ADAM10: variants seen among roughly 807,000 people sequenced by gnomAD.
ADAM10 encodes ADAM metallopeptidase domain 10.
A neutral mutation model predicts 90.1 loss-of-function variants in ADAM10; 17 were observed. The observed-to-expected ratio is 0.19, with a 90% CI of 0.13 to 0.28. ADAM10 has a LOEUF of 0.28. ADAM10 is among the 10% of genes least tolerant of loss of function. The pLI, the probability that ADAM10 is intolerant of heterozygous loss-of-function variation, is 1.00. For synonymous variants in ADAM10, 310 were observed against 298.6 expected (o/e 1.04, Z -0.40); for missense variants, 610 against 914.3 (o/e 0.67, Z 4.29).
intron 2 of ADAM10, among the ~76,000 whole-genome samples, chr15:58,701,066 A>T (rs1266689272): frequency 2.6e-5 from 4 of 151,872 alleles, no homozygotes; most frequent in African/African-American, 9.7e-5. Context: ...CAGACACTCA[A>T]AAAACAATAG....
chr15:58,705,367 CTAT>C (rs760863043), intron 2 of ADAM10, among the ~76,000 whole-genome samples: 1 of 151,966 alleles, frequency 6.6e-6, no homozygotes, highest in Non-Finnish European at 1.5e-5. Flanking sequence ...TATAGCGGTT[CTAT>C]TATGATTCTT....
intron 2 of ADAM10, among the ~76,000 whole-genome samples, chr15:58,705,612 C>A (rs1595638447): frequency 6.6e-6 from 1 of 152,236 alleles, no homozygotes; most frequent in South Asian, 2.1e-4. Flanking sequence ...ATAGACATAC[C>A]AGAACCACCT....
chr15:58,625,950 T>C (rs1895929434), intron 10 of ADAM10, among the ~76,000 whole-genome samples: 1 of 151,976 alleles, frequency 6.6e-6, no homozygotes, highest in Non-Finnish European at 1.5e-5. Flanking sequence ...TTTTTAGAAG[T>C]GACAAAATTT....
chr15:58,738,925 C>G (rs1899515119), intron 1 of ADAM10, among the ~76,000 whole-genome samples: 1 of 152,150 alleles, frequency 6.6e-6, no homozygotes, highest in South Asian at 2.1e-4. Context: ...ACATCACTTT[C>G]ACACTCACAC....
chr15:58,601,945 C>T (rs546274589), intron 14 of ADAM10, among the ~76,000 whole-genome samples: 17 of 152,230 alleles, frequency 1.1e-4, no homozygotes, highest in Admixed American at 3.9e-4. Flanking sequence ...TCAAGTAACA[C>T]GTGATTTTTA....
intron 1 of ADAM10, among the ~76,000 whole-genome samples, chr15:58,731,916 T>C (rs1338490386): frequency 6.6e-6 from 1 of 152,152 alleles, no homozygotes; most frequent in Non-Finnish European, 1.5e-5. Context: ...ATGTGAGTCA[T>C]GGGGTGGAGA....
chr15:58,638,820 G>A (rs1310882729), intron 8 of ADAM10, among the ~76,000 whole-genome samples: 1 of 152,018 alleles, frequency 6.6e-6, no homozygotes, highest in Non-Finnish European at 1.5e-5. Flanking sequence ...AAATAGGGGA[G>A]CATTCTAAAA....
rs2140977815 is a variant in ADAM10, at chr15:58,589,523, A to G, written c.*8024T>C. The G allele has an allele frequency of 6.6e-6, 1 of 152,270 alleles. No homozygotes were observed. Among genetic ancestry groups the G allele is most frequent in the East Asian group, 1.9e-4 (1 of 5,184 alleles). 9.4% of individuals were successfully genotyped at this position (152,270 alleles called of 1,614,324 possible). A position where few individuals can be genotyped will look rare whatever the true frequency, so the allele number is the denominator to read the frequency against. On this transcript the variant is annotated 3_prime_UTR_variant, in exon 16 of 16. Coordinates refer to ENST00000260408, the MANE Select transcript of ADAM10 (RefSeq NM_001110.4). ...CCAACACAAACCCCTCTGTACTGTA[A>G]CTGCTGGTTTCTTTCCTTCCGCTAG...
At chr15:58,638,834 AC>A (rs1457917907) in intron 8 of ADAM10, among the ~76,000 whole-genome samples, 12 of 152,020 alleles carry the variant, frequency 7.9e-5, no homozygotes, top group African/African-American at 2.9e-4. Context: ...TCTAAAATAT[AC>A]CTCATCAGTA....
At chr15:58,665,057 T>C in intron 5 of ADAM10, 40 bp downstream of exon 5, 1 of 1,420,200 alleles carries the variant, frequency 7.0e-7, no homozygotes, top group African/African-American at 1.4e-5. Flanking sequence ...CTCAAATTCA[T>C]TTCCATTTCC....
At chr15:58,707,346 T>G (rs372055908) in intron 2 of ADAM10, 2 of 151,274 alleles carry the variant, frequency 1.3e-5, no homozygotes, top group Non-Finnish European at 2.9e-5. Flanking sequence ...ATCACGCTAC[T>G]GCACTCCAGC....
chr15:58,669,735 T>G (rs1393177098), intron 4 of ADAM10, among the ~76,000 whole-genome samples: 2 of 152,142 alleles, frequency 1.3e-5, no homozygotes, highest in African/African-American at 4.8e-5. Context: ...AAATGTCCAT[T>G]AACAGGCAAA....
chr15:58,725,298 A>C (rs1044795683), intron 1 of ADAM10, among the ~76,000 whole-genome samples: 7 of 151,810 alleles, frequency 4.6e-5, no homozygotes, highest in East Asian at 1.9e-4. Flanking sequence ...TGGGAGGCTA[A>C]GGCAGGAGGA....
At chr15:58,649,014 C>T (rs541862815) in intron 5 of ADAM10, among the ~76,000 whole-genome samples, 1 of 152,210 alleles carries the variant, frequency 6.6e-6, no homozygotes, top group Admixed American at 6.5e-5. Context: ...TAAATCCAAT[C>T]TGATAATATT....
chr15:58,643,581 C>T (rs747103905), intron 7 of ADAM10, among the ~76,000 whole-genome samples: 18 of 152,102 alleles, frequency 1.2e-4, no homozygotes, highest in African/African-American at 4.1e-4. Flanking sequence ...AGCACTATAG[C>T]CATAGTTATT....
intron 1 of ADAM10, among the ~76,000 whole-genome samples, chr15:58,736,238 T>C (rs892127197): frequency 2.6e-5 from 4 of 152,190 alleles, no homozygotes; most frequent in African/African-American, 4.8e-5. Flanking sequence ...CCCTACAAGA[T>C]AGTTACTCTG....
chr15:58,668,399 CAG>C (rs1443146041), intron 4 of ADAM10, among the ~76,000 whole-genome samples: 1 of 152,150 alleles, frequency 6.6e-6, no homozygotes, highest in Non-Finnish European at 1.5e-5. Flanking sequence ...CAGCTATACA[CAG>C]GGGTGAATGG....
In ADAM10 at chr15:58,597,411, G is replaced by T; in HGVS notation, c.*136C>A. 1 of 1,556,952 alleles carries T rather than the reference G, an allele frequency of 6.4e-7. No homozygotes were observed. Among genetic ancestry groups the T allele is most frequent in the Non-Finnish European group, 8.7e-7 (1 of 1,149,428 alleles). ...TTTAAGTAATTCCACCTGGTCTGAG[G>T]ATATGATCTCTTGCCATTTTTTCTT... is the stretch of plus-strand genomic sequence containing the variant. On this transcript the variant is annotated 3_prime_UTR_variant, in exon 16 of 16. Coordinates refer to ENST00000260408, the MANE Select transcript of ADAM10 (RefSeq NM_001110.4).
intron 5 of ADAM10, among the ~76,000 whole-genome samples, chr15:58,661,356 C>T (rs577228406): frequency 6.6e-6 from 1 of 151,952 alleles, no homozygotes; most frequent in African/African-American, 2.4e-5. Flanking sequence ...GACACAAATT[C>T]TCTCAATTTT....
Sources: allele counts gnomAD v4.1 joint callset (sites outside exome capture counted in the v4.1 genomes callset), GRCh38; gene constraint gnomAD v4.1.1; transcripts MANE v1.5; gene names NCBI Gene and HGNC (gene_info 2026-07-23, HGNC 2026-07-21).